EEPD1: variants seen among roughly 807,000 people sequenced by gnomAD.
EEPD1 encodes the protein endonuclease/exonuclease/phosphatase family domain-containing protein 1.
In EEPD1, 17 loss-of-function variants were observed where a neutral mutation model predicts 46.3. The observed-to-expected ratio is 0.37, with a 90% CI of 0.25 to 0.55. The LOEUF is 0.55. Ranked by LOEUF, EEPD1 falls within the 20% of genes least tolerant of loss-of-function variation. EEPD1 has a pLI of 0.83. For synonymous variants in EEPD1, 313 were observed against 315.6 expected, an observed-to-expected ratio of 0.99 and a Z score of 0.09; for missense variants, 673 against 745.6, an observed-to-expected ratio of 0.90 and a Z score of 1.13.
Position 36,154,147 on chromosome 7 carries a change from G to C in EEPD1, c.-178G>C, listed in dbSNP as rs1379017368. ...TTATTTTCTAGGCGGCCAAGTGAAA[G>C]GTAATTTTGGACACGCCAGGCATGG... On this transcript the variant is annotated 5_prime_UTR_variant, in exon 2 of 8. Transcript: ENST00000242108. This position sits in a 1 kb window ranked among gnomAD's most constrained non-coding sequence, Gnocchi z 4.2. The C allele has an allele frequency of 1.4e-6, 1 of 715,272 alleles. No individual in the cohort carries two copies. The highest frequency in any genetic ancestry group is 2.7e-5 in the East Asian group (1 of 36,504). 44.3% of individuals were successfully genotyped at this position (715,272 alleles called of 1,614,324 possible). A position where few individuals can be genotyped will look rare whatever the true frequency, so the allele number is the denominator to read the frequency against.
chr7:36,263,398 A>G (rs1337629009), intron 3 of EEPD1, among the ~76,000 whole-genome samples: 3 of 152,058 alleles, frequency 2.0e-5, no homozygotes, highest in African/African-American at 7.2e-5. Context: ...ACAAAGCAGC[A>G]CCTCACACAG....
At chr7:36,264,782 A>G (rs1011809655) in intron 3 of EEPD1, among the ~76,000 whole-genome samples, 18 of 152,196 alleles carry the variant, frequency 1.2e-4, no homozygotes, top group Non-Finnish European at 1.0e-4. Flanking sequence ...ACTAAAAGAT[A>G]GCTTGGGTAT....
intron 2 of EEPD1, among the ~76,000 whole-genome samples, chr7:36,238,253 C>T (rs1423596751): frequency 2.6e-5 from 4 of 152,168 alleles, no homozygotes; most frequent in African/African-American, 9.6e-5. Flanking sequence ...TGGTCAGCCT[C>T]TTTACCACAC....
intron 2 of EEPD1, among the ~76,000 whole-genome samples, chr7:36,170,760 G>A (rs1562672471): frequency 6.6e-6 from 1 of 151,938 alleles, no homozygotes; most frequent in Non-Finnish European, 1.5e-5. Context: ...ATGTTGCTTG[G>A]TCATTCACCA....
chr7:36,235,493 A>G (rs754286684), intron 2 of EEPD1, among the ~76,000 whole-genome samples: 13 of 152,236 alleles, frequency 8.5e-5, no homozygotes, highest in Middle Eastern at 3.2e-3. Context: ...TCCCTCCAGG[A>G]ATCCTCTGGC....
intron 3 of EEPD1, among the ~76,000 whole-genome samples, chr7:36,244,872 G>A (rs1446446961): frequency 2.0e-5 from 3 of 147,116 alleles, no homozygotes; most frequent in Non-Finnish European, 4.5e-5. Flanking sequence ...TCCTGAGTTC[G>A]AGCAATTCTC....
At chr7:36,242,699 G>A (rs1467055010) in intron 3 of EEPD1, among the ~76,000 whole-genome samples, 1 of 150,042 alleles carries the variant, frequency 6.7e-6, no homozygotes, top group East Asian at 2.0e-4. Flanking sequence ...AAGGTGGGTG[G>A]ATCACCTGAG....
intron 2 of EEPD1, among the ~76,000 whole-genome samples, chr7:36,209,408 C>T (rs1226681185): frequency 1.3e-5 from 2 of 152,178 alleles, no homozygotes; most frequent in African/African-American, 4.8e-5. Flanking sequence ...ACCTGGTGCC[C>T]TGTGAGGAGG....
chr7:36,219,630 A>G (rs992115079), intron 2 of EEPD1, among the ~76,000 whole-genome samples: 13 of 148,506 alleles, frequency 8.8e-5, no homozygotes, highest in Non-Finnish European at 2.9e-5. Context: ...GAAGGAAAGA[A>G]GGAAAGAAAA....
intron 3 of EEPD1, among the ~76,000 whole-genome samples, chr7:36,271,230 C>T (rs1787097117): frequency 6.6e-6 from 1 of 152,108 alleles, no homozygotes; most frequent in Non-Finnish European, 1.5e-5. Flanking sequence ...TCATGATCTG[C>T]CCGCCTTGCT....
intron 2 of EEPD1, among the ~76,000 whole-genome samples, chr7:36,162,898 T>G (rs1174727793): frequency 6.6e-6 from 1 of 152,232 alleles, no homozygotes; most frequent in Non-Finnish European, 1.5e-5. Context: ...AGGTTGCACA[T>G]GCTTTGGATG....
At chr7:36,291,319 G>GT (rs1282929018) in intron 6 of EEPD1, among the ~76,000 whole-genome samples, 1 of 152,200 alleles carries the variant, frequency 6.6e-6, no homozygotes, top group East Asian at 1.9e-4. Context: ...TGGTGTCGCA[G>GT]TGGACAGCAG....
intron 2 of EEPD1, among the ~76,000 whole-genome samples, chr7:36,190,057 A>T (rs1276583953): frequency 6.6e-6 from 1 of 151,994 alleles, no homozygotes; most frequent in Non-Finnish European, 1.5e-5. Flanking sequence ...TTCCTTTTGC[A>T]TGGTGCTTGG....
Position 36,154,231 on chromosome 7 carries a change from T to G in EEPD1, c.-94T>G. 7.0e-7 allele frequency: 1 copy of G among 1,437,376 alleles called. No individual in the cohort carries two copies. Among genetic ancestry groups the G allele is most frequent in the South Asian group, 1.4e-5 (1 of 71,010 alleles). 89.0% of individuals were successfully genotyped at this position (1,437,376 alleles called of 1,614,324 possible). A position where few individuals can be genotyped will look rare whatever the true frequency, so the allele number is the denominator to read the frequency against. On this transcript the variant is annotated 5_prime_UTR_variant, in exon 2 of 8. Coordinates refer to ENST00000242108, the MANE Select transcript of EEPD1 (RefSeq NM_030636.3). This position sits in a 1 kb window ranked among gnomAD's most constrained non-coding sequence, Gnocchi z 4.2. ...GTCCCTGAATCCTGCACCTTCCGTT[T>G]TTCTGTGCTTGTACGGCCTACTGGG... is the stretch of plus-strand genomic sequence containing the variant.
In EEPD1 at chr7:36,271,720, C is replaced by CTTCTTGGGTTTTT. The variant is rs60503175; in HGVS notation, c.931-9395_931-9394insTTCTTGGGTTTTT. Among the ~76,000 whole-genome samples the CTTCTTGGGTTTTT allele has an allele frequency of 9.0e-5, 5 of 55,332 alleles. 2 individuals carry two copies. The highest frequency in any genetic ancestry group is 1.2e-4 in the Non-Finnish European group (3 of 25,002). 36.3% of individuals were successfully genotyped at this position (55,332 alleles called of 152,430 possible). A position where few individuals can be genotyped will look rare whatever the true frequency, so the allele number is the denominator to read the frequency against. On this transcript the variant is annotated intron_variant, in intron 3 of 7. Transcript: ENST00000242108. ...TCCTGAATGGTATTGCCTAGGTTTT[C>CTTCTTGGGTTTTT]ATGGTTTTAGGTTTTACATTTAAGT...
At chr7:36,266,350 T>C (rs745981142) in intron 3 of EEPD1, among the ~76,000 whole-genome samples, 28 of 152,120 alleles carry the variant, frequency 1.8e-4, no homozygotes, top group Non-Finnish European at 3.5e-4. Context: ...TCAGTAACCA[T>C]ATGTGAAGAG....
At chr7:36,195,772 G>A (rs1785570928) in intron 2 of EEPD1, among the ~76,000 whole-genome samples, 2 of 152,260 alleles carry the variant, frequency 1.3e-5, no homozygotes, top group Admixed American at 6.5e-5. Flanking sequence ...CAAAAAAAAT[G>A]GTAAGGATGT....
intron 5 of EEPD1, among the ~76,000 whole-genome samples, chr7:36,285,131 A>G (rs1245653006): frequency 6.6e-6 from 1 of 152,144 alleles, no homozygotes; most frequent in Admixed American, 6.5e-5. Flanking sequence ...ATTTTCCTAC[A>G]GTCAGGGATT....
chr7:36,263,337 G>C (rs917576184), intron 3 of EEPD1, among the ~76,000 whole-genome samples: 2 of 148,978 alleles, frequency 1.3e-5, no homozygotes, highest in African/African-American at 2.4e-5. Context: ...TCTCAAGGGA[G>C]GGGGGGGAAA....
Sources: gnomAD v4.1 joint callset for allele counts (sites outside exome capture counted in the v4.1 genomes callset) on GRCh38, gnomAD v4.1.1 for gene constraint, Gnocchi (gnomAD v3.1) non-coding constraint, MANE v1.5 for transcripts, NCBI Gene and HGNC (gene_info 2026-07-23, HGNC 2026-07-21) for gene names.